SLC30A8: variants seen among roughly 807,000 people sequenced by gnomAD.
The protein encoded by SLC30A8 is proton-coupled zinc antiporter SLC30A8.
A neutral mutation model predicts 36.9 loss-of-function variants in SLC30A8; 27 were observed. The observed-to-expected ratio is 0.73, with a 90% CI of 0.54 to 1.01. The LOEUF (loss-of-function observed/expected upper bound fraction) is 1.01. Ranked by LOEUF, SLC30A8 falls within the 50% of genes least tolerant of loss-of-function variation. SLC30A8 has a pLI of 0.00. For missense variants in SLC30A8, 439 were observed against 452.0 expected, an observed-to-expected ratio of 0.97 and a Z score of 0.26; for synonymous variants, 164 against 172.4, an observed-to-expected ratio of 0.95 and a Z score of 0.38.
chr8:117,004,394 T>C (rs1330667239), intron 1 of SLC30A8, among the ~76,000 whole-genome samples: 1 of 152,242 alleles, frequency 6.6e-6, no homozygotes, highest in African/African-American at 2.4e-5. Flanking sequence ...AATAAAGTCC[T>C]GGGAAATATA....
chr8:117,023,659 G>A (rs1023681083), intron 1 of SLC30A8, among the ~76,000 whole-genome samples: 13 of 148,172 alleles, frequency 8.8e-5, no homozygotes, highest in Non-Finnish European at 1.9e-4. Flanking sequence ...CTCATAGGTG[G>A]GAATTGAACA....
At chr8:117,131,924 A>G (rs1484923069), upstream of SLC30A8, among the ~76,000 whole-genome samples, 1 of 152,002 alleles carries the variant, frequency 6.6e-6, no homozygotes, top group African/African-American at 2.4e-5. Context: ...AAGGTCACAT[A>G]TCTAAGAAAG....
At chr8:117,062,833 T>C (rs1818062078) in intron 2 of SLC30A8, among the ~76,000 whole-genome samples, 1 of 152,238 alleles carries the variant, frequency 6.6e-6, no homozygotes, top group Admixed American at 6.5e-5. Flanking sequence ...GGCTGTGATC[T>C]CATTTCGGGC....
intron 2 of SLC30A8, among the ~76,000 whole-genome samples, chr8:117,097,396 CAAAAA>C (rs1157294543): frequency 0.069 from 1,718 of 24,898 alleles, 8 homozygotes; most frequent in Non-Finnish European, 0.12. Context: ...GACTCCATCT[CAAAAA>C]AAAAAAAAAA....
intron 1 of SLC30A8, among the ~76,000 whole-genome samples, chr8:116,969,724 A>G (rs1256035501): frequency 1.3e-5 from 2 of 152,300 alleles, no homozygotes; most frequent in East Asian, 3.9e-4. Context: ...TAATACAGTG[A>G]TATTTGTGTA....
chr8:117,076,801 G>T lies in SLC30A8; in HGVS notation c.-226+37543G>T, dbSNP rs187959792. On this transcript the variant is annotated intron_variant, in intron 2 of 10. Transcript: ENST00000427715. ...TTTTTTTGGCGGCACCTATTAAAGT[G>T]CCTGGCAAAGAGGAGGAATTAATGA... is the stretch of plus-strand genomic sequence containing the variant. 7.4e-4 allele frequency among the ~76,000 whole-genome samples: 112 copies of T among 151,478 alleles called. 1 individual carries two copies. The highest frequency in any genetic ancestry group is 2.4e-3 in the African/African-American group (99 of 41,272).
intron 1 of SLC30A8, among the ~76,000 whole-genome samples, chr8:117,029,150 A>G (rs1209330722): frequency 6.6e-6 from 1 of 152,306 alleles, no homozygotes; most frequent in Non-Finnish European, 1.5e-5. Context: ...AAGATGGGCT[A>G]CTTTGACCCT....
chr8:117,084,056 T>C (rs1215115787), intron 2 of SLC30A8, among the ~76,000 whole-genome samples: 1 of 152,138 alleles, frequency 6.6e-6, no homozygotes, highest in Non-Finnish European at 1.5e-5. Flanking sequence ...AAACTTGAAA[T>C]ATTTTTGACT....
rs559733830 is a variant in SLC30A8 at position 117,031,811 on chromosome 8, C to T, written c.-265-7408C>T. ...CAGAAGTAAGTCACACATTCCTGCACGTGCTTGATGCCAATGCTAAGCTTC... is the reference window on the plus strand; with the variant it reads ...CAGAAGTAAGTCACACATTCCTGCATGTGCTTGATGCCAATGCTAAGCTTC... On this transcript the variant is annotated intron_variant, in intron 1 of 10. Transcript: ENST00000427715. 8.5e-5 allele frequency among the ~76,000 whole-genome samples: 13 copies of T among 152,182 alleles called. 1 individual carries two copies. In the South Asian group the frequency reaches 1.2e-3, roughly 15 times the overall value.
chr8:116,984,691 C>T (rs1167977992), intron 1 of SLC30A8, among the ~76,000 whole-genome samples: 10 of 151,934 alleles, frequency 6.6e-5, no homozygotes, highest in Non-Finnish European at 1.5e-4. Flanking sequence ...CTACAAATGT[C>T]TGCTTTTTAA....
chr8:117,068,761 G>C (rs758142307), intron 2 of SLC30A8, among the ~76,000 whole-genome samples: 10 of 152,036 alleles, frequency 6.6e-5, no homozygotes, highest in Non-Finnish European at 1.2e-4. Flanking sequence ...ATTTTTAGTA[G>C]AGACGGGGTT....
chr8:117,005,357 G>A (rs1427893181), intron 1 of SLC30A8, among the ~76,000 whole-genome samples: 1 of 152,078 alleles, frequency 6.6e-6, no homozygotes, highest in African/African-American at 2.4e-5. Flanking sequence ...CTTTCACTTA[G>A]CATAAGATTT....
At chr8:117,147,263 A>G in intron 2 of SLC30A8, 110 bp downstream of exon 2, 2 of 912,650 alleles carry the variant, frequency 2.2e-6, no homozygotes, top group Non-Finnish European at 3.3e-6. Flanking sequence ...TTCTGTAAGT[A>G]TAAGGTAACA....
chr8:117,158,190 A>G (rs772649050), intron 4 of SLC30A8, among the ~76,000 whole-genome samples: 4 of 152,188 alleles, frequency 2.6e-5, no homozygotes, highest in Non-Finnish European at 5.9e-5. Flanking sequence ...GTTAAGTAGT[A>G]CAGAGCCAGG....
At chr8:117,027,925 A>G (rs1816922044) in intron 1 of SLC30A8, among the ~76,000 whole-genome samples, 1 of 152,200 alleles carries the variant, frequency 6.6e-6, no homozygotes, top group African/African-American at 2.4e-5. Flanking sequence ...CTCTAAGCCT[A>G]AGCTGCTTCA....
At chr8:117,011,683 G>A (rs1469976701) in intron 1 of SLC30A8, among the ~76,000 whole-genome samples, 4 of 152,130 alleles carry the variant, frequency 2.6e-5, no homozygotes, top group Non-Finnish European at 5.9e-5. Context: ...AGAAGCCAGG[G>A]GTGATGTTGG....
chr8:117,092,415 A>G (rs560650044), intron 2 of SLC30A8, among the ~76,000 whole-genome samples: 78 of 152,220 alleles, frequency 5.1e-4, no homozygotes, highest in African/African-American at 1.9e-3. Context: ...ATGGAAGGAA[A>G]AAAAAAAACC....
intron 2 of SLC30A8, among the ~76,000 whole-genome samples, chr8:117,127,238 G>C (rs1820944052): frequency 6.6e-6 from 1 of 152,020 alleles, no homozygotes; most frequent in Non-Finnish European, 1.5e-5. Context: ...GAAGTTCTTA[G>C]GGAAAAATGA....
intron 2 of SLC30A8, among the ~76,000 whole-genome samples, chr8:117,058,817 C>T (rs897394261): frequency 1.3e-5 from 2 of 152,156 alleles, no homozygotes; most frequent in African/African-American, 4.8e-5. Context: ...CACACACACA[C>T]CCACTCACCC....
Sources: allele counts gnomAD v4.1 joint callset (sites outside exome capture counted in the v4.1 genomes callset), GRCh38; gene constraint gnomAD v4.1.1; transcripts MANE v1.5; gene names NCBI Gene and HGNC (gene_info 2026-07-23, HGNC 2026-07-21).